Variants in ARRB1 observed in about 807,000 individuals in gnomAD.
ARRB1 encodes the protein beta-arrestin-1.
ARRB1 carries 21 observed loss-of-function variants against 56.8 expected under a neutral mutation model. The ratio of observed to expected loss-of-function variants is 0.37; its 90% CI spans 0.26 to 0.53. The LOEUF (loss-of-function observed/expected upper bound fraction) is 0.53. Among genes scored for constraint, ARRB1 ranks in the 20% least tolerant of loss-of-function variants. ARRB1 has a pLI of 0.88. For synonymous variants in ARRB1, 210 were observed against 218.6 expected, an observed-to-expected ratio of 0.96 and a Z score of 0.35; for missense variants, 424 against 553.7, an observed-to-expected ratio of 0.77 and a Z score of 2.35.
chr11:75,345,509 C>G (rs372297242), intron 1 of ARRB1, among the ~76,000 whole-genome samples: 5 of 152,084 alleles, frequency 3.3e-5, no homozygotes, highest in African/African-American at 1.2e-4. Context: ...TGTTCTAATC[C>G]CAGGGCTCAC....
At chr11:75,306,528 T>C in intron 1 of ARRB1, 1 of 1,139,902 alleles carries the variant, frequency 8.8e-7, no homozygotes, top group Non-Finnish European at 1.2e-6. Flanking sequence ...GCAAACTTCC[T>C]GGTGAGTCAG....
intron 1 of ARRB1, among the ~76,000 whole-genome samples, chr11:75,323,673 C>G (rs1238062016): frequency 1.3e-5 from 2 of 152,028 alleles, no homozygotes; most frequent in Non-Finnish European, 2.9e-5. Context: ...TTCTCTCCCC[C>G]CATGAGCAAG....
intron 1 of ARRB1, among the ~76,000 whole-genome samples, chr11:75,294,999 G>A (rs1193637056): frequency 6.6e-6 from 1 of 152,064 alleles, no homozygotes; most frequent in African/African-American, 2.4e-5. Context: ...CGACATGGGA[G>A]GATCACTTGA....
At chr11:75,282,882 T>C (rs1946381484) in intron 5 of ARRB1, among the ~76,000 whole-genome samples, 2 of 152,194 alleles carry the variant, frequency 1.3e-5, no homozygotes, top group Admixed American at 1.3e-4. Context: ...ATTTGAAAGG[T>C]GGTGGGGCAG....
Position 75,266,987 on chromosome 11 carries a change from T to C in ARRB1, c.1145+665A>G, listed in dbSNP as rs34522100. On this transcript the variant is annotated intron_variant, in intron 15 of 15. Coordinates refer to ENST00000420843, the MANE Select transcript of ARRB1 (RefSeq NM_004041.5). ...TCCCTTCTACCATGAAACATGTCCA[T>C]TTAGGACCATGCAGGTGTCCACCTG... Among the ~76,000 whole-genome samples the C allele has an allele frequency of 9.6e-3, 1,464 of 152,252 alleles. 27 individuals are homozygous for C. The highest frequency in any genetic ancestry group is 0.031 in the African/African-American group (1,292 of 41,546).
Position 75,281,004 on chromosome 11 carries a change from C to T in ARRB1, c.482+71G>A, listed in dbSNP as rs1946321053. ...ACTTCCAGGTATTGTTACTTATCTC[C>T]TCTTGGACTTTGCCCATCCTGTCTC... On this transcript the variant is annotated intron_variant, in intron 7 of 15. Transcript: ENST00000420843. 2.6e-5 allele frequency: 39 copies of T among 1,509,130 alleles called. No individual in the cohort carries two copies. The South Asian group carries it at 4.2e-4, about 16-fold the overall frequency. The allele number at this position is 1,509,130 out of a possible 1,614,324, so 93.5% of individuals were successfully genotyped here.
At position 75,316,465 on chromosome 11, in the gene ARRB1, C is replaced by T. The variant is rs1020884894; in HGVS notation, c.21-26426G>A. Among the ~76,000 whole-genome samples the T allele has an allele frequency of 9.9e-5, 15 of 152,174 alleles. No individual in the cohort carries two copies. In the East Asian group the frequency reaches 2.5e-3, roughly 25 times the overall value. ...GAGTGAGCCTAGGCTAGAGGAACTCCTAATTCAAAACTGAGCTCCCTACTT... is the reference window on the plus strand; with the variant it reads ...GAGTGAGCCTAGGCTAGAGGAACTCTTAATTCAAAACTGAGCTCCCTACTT... On this transcript the variant is annotated intron_variant, in intron 1 of 15. Transcript: ENST00000420843.
At chr11:75,273,429 A>G (rs910983883) in intron 11 of ARRB1, among the ~76,000 whole-genome samples, 10 of 152,262 alleles carry the variant, frequency 6.6e-5, no homozygotes, top group African/African-American at 2.2e-4. Flanking sequence ...GAAGATGGGT[A>G]GGGTGTGAGC....
At chr11:75,300,616 G>A (rs915923491) in intron 1 of ARRB1, among the ~76,000 whole-genome samples, 13 of 152,164 alleles carry the variant, frequency 8.5e-5, no homozygotes, top group Non-Finnish European at 2.9e-5. Flanking sequence ...CGGATCATGT[G>A]GTCAAGAGAT....
intron 1 of ARRB1, among the ~76,000 whole-genome samples, chr11:75,322,505 C>G (rs1408493279): frequency 6.6e-6 from 1 of 152,004 alleles, no homozygotes. Flanking sequence ...GACTCCATCT[C>G]AAAAAACAAA....
At chr11:75,279,615 C>T (rs1946283097) in intron 7 of ARRB1, among the ~76,000 whole-genome samples, 1 of 152,172 alleles carries the variant, frequency 6.6e-6, no homozygotes, top group South Asian at 2.1e-4. Context: ...GTTCCCTAAT[C>T]TGTAAAGGGT....
chr11:75,288,371 G>A (rs1946530486), intron 2 of ARRB1, among the ~76,000 whole-genome samples: 1 of 152,182 alleles, frequency 6.6e-6, no homozygotes, highest in Admixed American at 6.5e-5. Flanking sequence ...CCAGCCGGGA[G>A]GGAAAAACCC....
At chr11:75,306,341 C>T (rs1391923554) in intron 1 of ARRB1, among the ~76,000 whole-genome samples, 2 of 152,142 alleles carry the variant, frequency 1.3e-5, no homozygotes, top group African/African-American at 2.4e-5. Context: ...CATTTCTACT[C>T]GATGTCCCCC....
intron 1 of ARRB1, among the ~76,000 whole-genome samples, chr11:75,323,822 AT>A (rs1214767749): frequency 6.6e-6 from 1 of 152,168 alleles, no homozygotes; most frequent in Non-Finnish European, 1.5e-5. Context: ...TCCAAAGCTA[AT>A]CATTTCAGCA....
Position 75,266,201 on chromosome 11 carries a change from C to G in ARRB1, c.1219G>C (p.Glu407Gln). Residue 407 changes from glutamate to glutamine, a missense_variant, in exon 16 of 16, where the codon GAG becomes CAG. Transcript: ENST00000420843. ...KGMKDDKEEE[E>Q]DGTGSPQLNN... ...AGCTGTGGAGAGCCGGTACCATCCT[C>G]CTCTTCCTCCTTGTCATCCTTCATG... is the stretch of plus-strand genomic sequence containing the variant. 1.2e-6 allele frequency: 2 copies of G among 1,614,238 alleles called. No individual in the cohort carries two copies. Among genetic ancestry groups the G allele is most frequent in the Non-Finnish European group, 1.7e-6 (2 of 1,180,046 alleles).
At chr11:75,312,644 A>G (rs1405088254) in intron 1 of ARRB1, among the ~76,000 whole-genome samples, 2 of 152,078 alleles carry the variant, frequency 1.3e-5, no homozygotes, top group Non-Finnish European at 2.9e-5. Context: ...CTTGAGATGG[A>G]GAGATTATCC....
intron 11 of ARRB1, among the ~76,000 whole-genome samples, chr11:75,273,695 ACCC>A (rs10531351): frequency 0.83 from 125,606 of 151,628 alleles, 52,734 homozygotes; most frequent in Admixed American, 0.89. Flanking sequence ...TTGGAGGGGC[ACCC>A]CATGTTGGGT....
At chr11:75,287,294 T>C in intron 3 of ARRB1, 21 bp downstream of exon 3, 4 of 1,548,660 alleles carry the variant, frequency 2.6e-6, no homozygotes, top group Non-Finnish European at 3.5e-6. Context: ...CCAGCCCTCC[T>C]CTCGCCCTCC....
intron 1 of ARRB1, among the ~76,000 whole-genome samples, chr11:75,310,785 C>G (rs1010619574): frequency 1.3e-5 from 2 of 152,104 alleles, no homozygotes; most frequent in South Asian, 4.2e-4. Flanking sequence ...AGCTCAGGTT[C>G]ATGTGAATCT....
Sources: allele counts gnomAD v4.1 joint callset (sites outside exome capture counted in the v4.1 genomes callset), GRCh38; gene constraint gnomAD v4.1.1; transcripts MANE v1.5; gene names NCBI Gene and HGNC (gene_info 2026-07-23, HGNC 2026-07-21).